PIEZO1: variants seen among roughly 807,000 people sequenced by gnomAD.
The protein encoded by PIEZO1 is piezo-type mechanosensitive ion channel component 1.
A neutral mutation model predicts 297.2 loss-of-function variants in PIEZO1; 296 were observed. The observed-to-expected ratio is 1.00, with a 90% CI of 0.91 to 1.10. The LOEUF (loss-of-function observed/expected upper bound fraction) is 1.10, where lower values mean the gene tolerates loss of function less well. Among genes scored for constraint, PIEZO1 ranks in the 50% least tolerant of loss-of-function variants. The pLI, the probability that PIEZO1 is intolerant of heterozygous loss-of-function variation, is 0.00. For synonymous variants in PIEZO1, 2,427 were observed against 1,507.5 expected, an observed-to-expected ratio of 1.61 and a Z score of -14.13; for missense variants, 5,018 against 3,455.5, an observed-to-expected ratio of 1.45 and a Z score of -11.34.
At chr16:88,717,286 A>T in intron 44 of PIEZO1, 75 bp from the exon 45 acceptor site, 2 of 1,378,776 alleles carry the variant, frequency 1.5e-6, no homozygotes, top group Non-Finnish European at 2.0e-6. Context: ...TCTCCAGCTC[A>T]CCCAGCAGCC....
intron 16 of PIEZO1, 71 bp from the exon 17 acceptor site, chr16:88,734,125 C>A (rs1044627190): frequency 6.9e-7 from 1 of 1,455,120 alleles, no homozygotes; most frequent in Non-Finnish European, 9.1e-7. Flanking sequence ...CTGGAAGAAG[C>A]CCTGTCGGCA....
At chr16:88,758,221 C>A (rs1597478156) in intron 1 of PIEZO1, among the ~76,000 whole-genome samples, 1 of 152,164 alleles carries the variant, frequency 6.6e-6, no homozygotes, top group Non-Finnish European at 1.5e-5. Flanking sequence ...CAGCCCAAGT[C>A]CTTGTGCACC....
rs111734695 is a variant in PIEZO1 at position 88,721,916 on chromosome 16, C to T, written c.5106G>A (p.Thr1702=). Residue 1702 remains threonine (T), a synonymous_variant, in exon 37 of 51, where the codon ACG becomes ACA. Coordinates refer to ENST00000301015, the MANE Select transcript of PIEZO1 (RefSeq NM_001142864.4). ...YFIIILNHMV[T]ASAGSLVLPV... ...GCAGCACCAGCGAGCCGGCGGAGGC[C>T]GTGACCATGTGGTTGAGGATGATGA... is the stretch of plus-strand genomic sequence containing the variant. 192 of 1,550,188 alleles carry T rather than the reference C, an allele frequency of 1.2e-4. 2 individuals carry two copies. The highest frequency in any genetic ancestry group is 1.2e-3 in the South Asian group (99 of 84,066).
In PIEZO1 at chr16:88,721,585, C is replaced by G. The variant is rs992231499; in HGVS notation, c.5356G>C (p.Asp1786His). ...AAAAGGGCCATGAGCTGCACCAGGT[C>G]GTACTTGATGTAGCCGTCAGTCTTC... ...LEKTDGYIKYDLVQLMALFFH... is the reference protein window; with the variant it reads ...LEKTDGYIKYHLVQLMALFFH... The change falls in exon 38 of 51, where the codon GAC becomes CAC. Residue 1786 changes from aspartate to histidine, a missense_variant. Coordinates refer to ENST00000301015, the MANE Select transcript of PIEZO1 (RefSeq NM_001142864.4). The G allele has an allele frequency of 6.5e-7, 1 of 1,550,224 alleles. No homozygotes were observed. Among genetic ancestry groups the G allele is most frequent in the Non-Finnish European group, 8.7e-7 (1 of 1,146,900 alleles).
In PIEZO1 at chr16:88,738,659, C is replaced by T; in HGVS notation, c.543G>A (p.Arg181=). 1.3e-6 allele frequency: 2 copies of T among 1,535,750 alleles called. No homozygotes were observed. Among genetic ancestry groups the T allele is most frequent in the South Asian group, 2.4e-5 (2 of 84,060 alleles). Residue 181 remains arginine (R), a synonymous_variant, in exon 6 of 51, where the codon AGG becomes AGA. Transcript: ENST00000301015. ...QEAATLAPTR[R]SRLAARFRVT... ...CTCGGAAACGAGCGGCCAGCCGTGACCTCCGTGTAGGGGCCAGCGTTGCTG... is the reference window on the plus strand; with the variant it reads ...CTCGGAAACGAGCGGCCAGCCGTGATCTCCGTGTAGGGGCCAGCGTTGCTG...
rs562438565 is a variant in PIEZO1, at chr16:88,734,507, C to T, written c.2029G>A (p.Val677Met). 9.7e-6 allele frequency: 15 copies of T among 1,546,876 alleles called. No individual in the cohort carries two copies. In the South Asian group the frequency reaches 1.4e-4, roughly 15 times the overall value. ...AGGATGCTGGAGAAGAGCTCGGACA[C>T]GCTGAACTGCTCCAGGCCCAGGTCC... ...LGDLGLEQFSVSELFSSILVP... is the reference protein window; with the variant it reads ...LGDLGLEQFSMSELFSSILVP... Residue 677 changes from valine (V) to methionine (M), a missense_variant, in exon 16 of 51, where the codon GTG becomes ATG. Coordinates refer to ENST00000301015, the MANE Select transcript of PIEZO1 (RefSeq NM_001142864.4).
intron 15 of PIEZO1, 36 bp downstream of exon 15, chr16:88,734,610 GTTTC>G: frequency 1.3e-6 from 2 of 1,549,352 alleles, no homozygotes; most frequent in Non-Finnish European, 1.7e-6. Context: ...AGTGCACGGG[GTTTC>G]GGCGCCCCTG....
At position 88,727,130 on chromosome 16, in the gene PIEZO1, CTG is replaced by C; in HGVS notation, c.3362_3363del (p.Thr1121ArgfsTer35). 6.5e-7 allele frequency: 1 copy of C among 1,549,976 alleles called. No homozygotes were observed. Among genetic ancestry groups the C allele is most frequent in the Non-Finnish European group, 8.7e-7 (1 of 1,146,728 alleles). On this transcript the variant is annotated frameshift_variant, in exon 24 of 51. Coordinates refer to ENST00000301015, the MANE Select transcript of PIEZO1 (RefSeq NM_001142864.4). LOFTEE classifies it high-confidence loss of function. Reference sequence around the variant, plus strand: ...ACGCCAGCCATGCGCTGCCACTCCTCTGTGCGCTCAGCTGAGAACACCTGCCA... The same window carrying C: ...ACGCCAGCCATGCGCTGCCACTCCTCTGCGCTCAGCTGAGAACACCTGCCA... ...QQWQVFSAERTEEWQRMAGVN... is the reference protein window; with the variant it reads ...QQWQVFSAERXEEWQRMAGVN...
intron 1 of PIEZO1, among the ~76,000 whole-genome samples, chr16:88,756,207 G>A (rs147328760): frequency 2.0e-5 from 3 of 152,326 alleles, no homozygotes; most frequent in East Asian, 3.9e-4. Flanking sequence ...CACAGGGAGG[G>A]TGTGCAGGAC....
rs1234774201 is a variant in PIEZO1, at chr16:88,774,458, A to T, written c.64+10443T>A. Among the ~76,000 whole-genome samples, 5 of 152,320 alleles carry T rather than the reference A, an allele frequency of 3.3e-5. No individual in the cohort carries two copies. The East Asian group carries it at 7.7e-4, about 24-fold the overall frequency. On this transcript the variant is annotated intron_variant, in intron 1 of 50. Transcript: ENST00000301015. ...ACACCCGTGGGTGCTGAAGGGGAAA[A>T]CAGGACCCAGCTGTGATAGCCAGGA...
At chr16:88,717,344 T>A in intron 44 of PIEZO1, 133 bp from the exon 45 acceptor site, 4 of 733,472 alleles carry the variant, frequency 5.5e-6, no homozygotes, top group Non-Finnish European at 9.5e-6. Context: ...GTAGTAATGG[T>A]GGGCAGACAC....
intron 1 of PIEZO1, among the ~76,000 whole-genome samples, chr16:88,756,858 G>T (rs558825467): frequency 1.4e-3 from 208 of 152,040 alleles, no homozygotes; most frequent in African/African-American, 4.8e-3. Context: ...GGGCAGATCA[G>T]AAGGTCAGGA....
intron 22 of PIEZO1, among the ~76,000 whole-genome samples, chr16:88,729,761 C>T (rs1443671597): frequency 1.4e-5 from 2 of 140,968 alleles, no homozygotes; most frequent in Non-Finnish European, 3.1e-5. Context: ...AAGTGACCCT[C>T]GATGCTGGGG....
chr16:88,744,811 G>T (rs907294697), intron 2 of PIEZO1, among the ~76,000 whole-genome samples: 1 of 152,010 alleles, frequency 6.6e-6, no homozygotes, highest in Admixed American at 6.5e-5. Context: ...CCCGCTCCCT[G>T]CCTGGGCTGG....
Position 88,716,183 on chromosome 16 carries a change from C to T in PIEZO1, c.7129+15G>A. ...CCCCTCTCTAGCCTCCCCCAACCCC[C>T]ACGCCCATACTCACTGGGCTGCAGC... On this transcript the variant is annotated intron_variant, in intron 49 of 50. Transcript: ENST00000301015. 2.7e-6 allele frequency: 4 copies of T among 1,509,036 alleles called. No individual in the cohort carries two copies. Among genetic ancestry groups the T allele is most frequent in the Non-Finnish European group, 3.6e-6 (4 of 1,123,116 alleles). 93.5% of individuals were successfully genotyped at this position (1,509,036 alleles called of 1,614,324 possible).
intron 44 of PIEZO1, chr16:88,719,206 A>G: frequency 4.1e-6 from 1 of 241,706 alleles, no homozygotes; most frequent in Non-Finnish European, 8.2e-6. Context: ...TCCACTAGAA[A>G]CCCCTGAGTT....
At chr16:88,756,335 T>G (rs115028547) in intron 1 of PIEZO1, among the ~76,000 whole-genome samples, 6,354 of 152,262 alleles carry the variant, frequency 0.042, 328 homozygotes, top group African/African-American at 0.12. Context: ...TCAGTCGTTC[T>G]GCCTCGGGAC....
chr16:88,755,826 C>T (rs755795718), intron 1 of PIEZO1, among the ~76,000 whole-genome samples: 3 of 152,156 alleles, frequency 2.0e-5, no homozygotes, highest in Non-Finnish European at 1.5e-5. Context: ...AGGTGGGGAC[C>T]GGGTGGGACC....
chr16:88,776,398 C>G (rs1157823477), intron 1 of PIEZO1, among the ~76,000 whole-genome samples: 2 of 152,020 alleles, frequency 1.3e-5, no homozygotes, highest in East Asian at 3.9e-4. Context: ...TGGGCCACTG[C>G]ACTCCAGCCA....
Sources: allele counts gnomAD v4.1 joint callset (sites outside exome capture counted in the v4.1 genomes callset), GRCh38; gene constraint gnomAD v4.1.1; transcripts MANE v1.5; gene names NCBI Gene and HGNC (gene_info 2026-07-23, HGNC 2026-07-21).